The following CES4A variants were observed in gnomAD, a reference collection of about 807,000 sequenced individuals.
CES4A encodes the protein carboxylesterase 6.
Under a neutral mutation model 65.4 loss-of-function variants are expected in CES4A, and 48 were observed. That is an observed-to-expected ratio of 0.73 (90% CI 0.58 to 0.93). The LOEUF is 0.93. Among genes scored for constraint, CES4A ranks in the 40% least tolerant of loss-of-function variants. The pLI is 0.00. For missense variants in CES4A, 685 were observed against 728.5 expected (o/e 0.94, Z 0.69); for synonymous variants, 247 against 281.8 (o/e 0.88, Z 1.24).
Position 67,003,288 on chromosome 16 carries a change from C to T in CES4A, c.828C>T (p.Asn276=), listed in dbSNP as rs1173598167. The stretch of plus-strand genomic sequence containing the variant: ...CCCACCTGGCTGGATGCAACCACAA[C>T]AGCACACAGATCCTGGTAAACTGCC... Residue 276 remains asparagine (N), a synonymous_variant, in exon 7 of 14, where the codon AAC becomes AAT. Coordinates refer to ENST00000648724, the Ensembl canonical transcript of CES4A. This position sits in a 1 kb window ranked among gnomAD's most constrained non-coding sequence, Gnocchi z 4.2. 1.3e-5 allele frequency: 21 copies of T among 1,614,086 alleles called. No individual in the cohort carries two copies. Among genetic ancestry groups the T allele is most frequent in the Non-Finnish European group, 1.6e-5 (19 of 1,180,034 alleles).
chr16:67,006,614 C>T, intron 12 of CES4A, 95 bp downstream of exon 12: 1 of 1,549,634 alleles, frequency 6.5e-7, no homozygotes, highest in Non-Finnish European at 8.8e-7. Context: ...AGGGAGCTCA[C>T]CAGTTCCTAA....
At chr16:67,006,515 C>T in exon 12 of CES4A, 1 of 1,537,890 alleles carries the variant, frequency 6.5e-7, no homozygotes, top group Non-Finnish European at 8.7e-7. Context: ...GCCCCTTCGC[C>T]ACAGGTGCAA....
chr16:67,009,123 A>C (rs1372567748), exon 14 of CES4A: 1 of 1,612,804 alleles, frequency 6.2e-7, no homozygotes, highest in Non-Finnish European at 8.5e-7. Flanking sequence ...CAAAGACCTG[A>C]GAAGCAGAGG....
intron 1 of CES4A, among the ~76,000 whole-genome samples, chr16:66,993,693 T>C (rs1469756069): frequency 6.6e-6 from 1 of 152,220 alleles, no homozygotes; most frequent in African/African-American, 2.4e-5. Flanking sequence ...TGTACCTATA[T>C]CATAAATTAG....
At chr16:66,989,809 C>T (rs1180698365) in intron 1 of CES4A, among the ~76,000 whole-genome samples, 5 of 151,554 alleles carry the variant, frequency 3.3e-5, no homozygotes, top group Non-Finnish European at 5.9e-5. Flanking sequence ...GAGCCGAGAT[C>T]GTGCCATTGC....
chr16:66,994,957 T>G (rs2145591204), intron 1 of CES4A, among the ~76,000 whole-genome samples: 1 of 151,954 alleles, frequency 6.6e-6, no homozygotes, highest in Non-Finnish European at 1.5e-5. Context: ...TGAGCCAAGA[T>G]TGGGCTATTG....
chr16:67,000,647 G>A lies in CES4A; in HGVS notation c.270G>A (p.Gln90=). The A allele has an allele frequency of 6.5e-7, 1 of 1,547,696 alleles. No homozygotes were observed. Residue 90 remains glutamine, a synonymous_variant, in exon 3 of 14, where the codon CAG becomes CAA. Transcript: ENST00000648724. This position sits in a 1 kb window ranked among gnomAD's most constrained non-coding sequence, Gnocchi z 4.2. ...TACCTGGTGCCCGCAGGTGCCTGCAGGAGTCCTGGGGCCAGCTGGCCTCGA... is the reference window on the plus strand; with the variant it reads ...TACCTGGTGCCCGCAGGTGCCTGCAAGAGTCCTGGGGCCAGCTGGCCTCGA...
At chr16:66,995,305 A>C (rs1294170912) in intron 1 of CES4A, among the ~76,000 whole-genome samples, 2 of 151,422 alleles carry the variant, frequency 1.3e-5, no homozygotes, top group South Asian at 4.2e-4. Flanking sequence ...GCAAGACTCC[A>C]TCTCAAAAAA....
intron 2 of CES4A, among the ~76,000 whole-genome samples, chr16:66,998,166 C>A (rs899674474): frequency 9.9e-5 from 15 of 151,834 alleles, no homozygotes; most frequent in Middle Eastern, 3.4e-3. Context: ...GAAAAAAAAA[C>A]AAAAACTGAG....
intron 11 of CES4A, 193 bp from the exon 12 acceptor site, chr16:67,006,198 T>A: frequency 1.7e-6 from 1 of 588,536 alleles, no homozygotes; most frequent in Non-Finnish European, 3.0e-6. Flanking sequence ...ATTGATACAA[T>A]TCAGAAAGGT....
At chr16:67,008,781 C>CTTTT in intron 13 of CES4A, 193 bp from the exon 14 acceptor site, 1 of 602,754 alleles carries the variant, frequency 1.7e-6, no homozygotes. Flanking sequence ...CAACCTGGCA[C>CTTTT]ATACTGTTTG....
chr16:67,005,797 C>T (rs534628565), intron 11 of CES4A: 35 of 182,330 alleles, frequency 1.9e-4, no homozygotes, highest in Middle Eastern at 2.4e-3. Context: ...TGCAGTGAGC[C>T]GACATCACAC....
chr16:67,009,294 G>A, exon 14 of CES4A: 1 of 710,144 alleles, frequency 1.4e-6, no homozygotes, highest in Non-Finnish European at 2.3e-6. Context: ...CAAAGCTAGA[G>A]CTTTTGCCTG....
Position 67,001,486 on chromosome 16 carries a change from G to T in CES4A, c.690+25G>T. ...GGTGAGAGCAATGCCCAGACGGACC[G>T]AGCACAGACTTAGGCTCCTGCGTTC... On this transcript the variant is annotated intron_variant, in intron 5 of 13. Transcript: ENST00000648724. This position sits in a 1 kb window ranked among gnomAD's most constrained non-coding sequence, Gnocchi z 4.1. The T allele has an allele frequency of 6.4e-7, 1 of 1,573,592 alleles. No individual in the cohort carries two copies. Among genetic ancestry groups the T allele is most frequent in the Non-Finnish European group, 8.6e-7 (1 of 1,160,208 alleles).
At chr16:66,994,488 GGCGTGAGCCACC>G (rs1406620642) in intron 1 of CES4A, among the ~76,000 whole-genome samples, 1 of 150,784 alleles carries the variant, frequency 6.6e-6, no homozygotes, top group Non-Finnish European at 1.5e-5. Flanking sequence ...TGGGATTACA[GGCGTGAGCCACC>G]GCGCGCAGCC....
chr16:67,006,032 T>G, intron 11 of CES4A: 1 of 237,882 alleles, frequency 4.2e-6, no homozygotes, highest in Non-Finnish European at 8.3e-6. Flanking sequence ...GGGTAACAGG[T>G]TAAAGGGGGG....
At chr16:67,006,483 G>A (rs999099444) in exon 12 of CES4A, 2 of 1,536,616 alleles carry the variant, frequency 1.3e-6, no homozygotes, top group African/African-American at 2.7e-5. Context: ...CCATGGGGAT[G>A]AGATGTACTT....
At chr16:67,008,808 C>A in intron 13 of CES4A, 166 bp from the exon 14 acceptor site, 1 of 688,760 alleles carries the variant, frequency 1.5e-6, no homozygotes. Flanking sequence ...CTGGAAGGCC[C>A]ACCCCAATAC....
At chr16:67,006,557 A>G (rs1487380295) in intron 12 of CES4A, 38 bp downstream of exon 12, 3 of 1,549,158 alleles carry the variant, frequency 1.9e-6, no homozygotes, top group East Asian at 4.8e-5. Context: ...CTGGGTGTCC[A>G]GTCTCCCACC....
Sources: allele counts gnomAD v4.1 joint callset (sites outside exome capture counted in the v4.1 genomes callset), GRCh38; gene constraint gnomAD v4.1.1; non-coding constraint Gnocchi (gnomAD v3.1); transcripts MANE v1.5; gene names NCBI Gene and HGNC (gene_info 2026-07-23, HGNC 2026-07-21).